The following PCDH7 variants were observed in gnomAD, a reference collection of about 807,000 sequenced individuals.
PCDH7 encodes protocadherin 7.
A neutral mutation model predicts 58.9 loss-of-function variants in PCDH7; 17 were observed. The observed-to-expected ratio is 0.29, with a 90% CI of 0.20 to 0.43. The LOEUF (loss-of-function observed/expected upper bound fraction) is 0.43. Among genes scored for constraint, PCDH7 ranks in the 20% least tolerant of loss-of-function variants. PCDH7 has a pLI of 1.00. For synonymous variants in PCDH7, 664 were observed against 616.4 expected, an observed-to-expected ratio of 1.08 and a Z score of -1.14; for missense variants, 1,274 against 1,441.0, an observed-to-expected ratio of 0.88 and a Z score of 1.88.
At chr4:30,842,373 A>T (rs1393300404) in intron 1 of PCDH7, among the ~76,000 whole-genome samples, 1 of 152,168 alleles carries the variant, frequency 6.6e-6, no homozygotes, top group Non-Finnish European at 1.5e-5. Context: ...ATATCTTTTT[A>T]TGAATTTTAT....
intron 1 of PCDH7, among the ~76,000 whole-genome samples, chr4:30,880,729 A>G (rs568244375): frequency 6.6e-4 from 101 of 152,292 alleles, no homozygotes; most frequent in African/African-American, 2.4e-3. Context: ...GCAAGCAAAT[A>G]GTTTCCTTTT....
At chr4:30,912,720 T>C (rs1223137527) in intron 1 of PCDH7, among the ~76,000 whole-genome samples, 2 of 152,174 alleles carry the variant, frequency 1.3e-5, no homozygotes, top group Non-Finnish European at 2.9e-5. Context: ...TTCCAATAGA[T>C]GGCATCCTTA....
intron 1 of PCDH7, among the ~76,000 whole-genome samples, chr4:30,767,134 C>T (rs1720858668): frequency 6.6e-6 from 1 of 152,092 alleles, no homozygotes; most frequent in South Asian, 2.1e-4. Context: ...AACCTGTGGC[C>T]ACTGAAGTCT....
chr4:30,758,521 AG>A (rs1327712774), intron 1 of PCDH7, among the ~76,000 whole-genome samples: 2 of 152,224 alleles, frequency 1.3e-5, no homozygotes, highest in African/African-American at 4.8e-5. Context: ...AGAGCATCGA[AG>A]GCTCTTGATA....
At chr4:30,920,744 T>C (rs192686897) in intron 2 of PCDH7, among the ~76,000 whole-genome samples, 13 of 152,348 alleles carry the variant, frequency 8.5e-5, no homozygotes, top group Non-Finnish European at 2.9e-5. Flanking sequence ...CAATTGCAGC[T>C]GTCCAGTCTT....
intron 1 of PCDH7, among the ~76,000 whole-genome samples, chr4:30,909,541 A>C (rs4374588): frequency 0.78 from 118,302 of 152,082 alleles, 46,782 homozygotes; most frequent in African/African-American, 0.94. Flanking sequence ...CAGTAATAGA[A>C]AAACAGCCAA....
intron 3 of PCDH7, among the ~76,000 whole-genome samples, chr4:31,108,860 C>T (rs1441082480): frequency 6.6e-6 from 1 of 152,092 alleles, no homozygotes; most frequent in African/African-American, 2.4e-5. Flanking sequence ...CCTGAAGACT[C>T]ACTGGCTTAA....
chr4:30,863,372 G>T (rs1226721716), intron 1 of PCDH7, among the ~76,000 whole-genome samples: 3 of 152,014 alleles, frequency 2.0e-5, no homozygotes, highest in Admixed American at 2.0e-4. Context: ...GATGTTTTTG[G>T]TTGTCACATG....
chr4:31,012,829 G>A (rs1274950484), intron 3 of PCDH7, among the ~76,000 whole-genome samples: 4 of 150,090 alleles, frequency 2.7e-5, no homozygotes, highest in African/African-American at 4.8e-5. Context: ...CAAAGCGAGA[G>A]ATGGTCTCCA....
intron 3 of PCDH7, among the ~76,000 whole-genome samples, chr4:31,125,052 C>T (rs1035515723): frequency 3.3e-5 from 5 of 152,126 alleles, no homozygotes; most frequent in Admixed American, 6.5e-5. Context: ...CTAAAATAGA[C>T]CTATCCCGTG....
rs1713691894 is a variant in PCDH7 at position 30,722,101 on chromosome 4, G to A, written c.679G>A (p.Asp227Asn). The stretch of plus-strand genomic sequence containing the variant: ...CTCGGGAGGCTCCAAGCGGCGGCTG[G>A]ACGCATCAGAGGGCGGCGGCGGCAC... The change falls in exon 1 of 2, where the codon GAC becomes AAC. Residue 227 changes from aspartate (D) to asparagine (N), a missense_variant. Physicochemically the swap from Asp to Asn is conservative, Grantham distance 23. Around this residue, in one of 3 missense-constraint regions of PCDH7, gnomAD observed 331 missense variants for 303.2 expected, o/e 1.09. Transcript: ENST00000361762. This position sits in a 1 kb window ranked among gnomAD's most constrained non-coding sequence, Gnocchi z 7.6. 1 of 1,366,384 alleles carries A rather than the reference G, an allele frequency of 7.3e-7. No homozygotes were observed. The highest frequency in any genetic ancestry group is 3.1e-5 in the East Asian group (1 of 32,494). The allele number at this position is 1,366,384 out of a possible 1,614,324, so 84.6% of individuals were successfully genotyped here. A position where few individuals can be genotyped will look rare whatever the true frequency, so the allele number is the denominator to read the frequency against.
At chr4:30,829,441 C>T (rs7678559) in intron 1 of PCDH7, among the ~76,000 whole-genome samples, 49,313 of 151,618 alleles carry the variant, frequency 0.33, 8,390 homozygotes, top group East Asian at 0.49. Flanking sequence ...AGTTGAGGGG[C>T]AGTTTTAGAA....
intron 3 of PCDH7, among the ~76,000 whole-genome samples, chr4:31,044,606 A>G (rs1488540303): frequency 1.3e-5 from 2 of 152,006 alleles, no homozygotes; most frequent in African/African-American, 4.8e-5. Flanking sequence ...ATGATTTAAT[A>G]TATGTGGGAT....
At chr4:30,933,112 C>T (rs1449717865) in intron 2 of PCDH7, among the ~76,000 whole-genome samples, 3 of 151,818 alleles carry the variant, frequency 2.0e-5, no homozygotes, top group Non-Finnish European at 2.9e-5. Context: ...CTGCAACCTC[C>T]GCTTCCTGGG....
intron 3 of PCDH7, among the ~76,000 whole-genome samples, chr4:31,054,877 A>G (rs1304923647): frequency 2.0e-5 from 3 of 152,146 alleles, no homozygotes; most frequent in Non-Finnish European, 4.4e-5. Context: ...TCTTTTATTT[A>G]AGAACATTTC....
chr4:30,863,925 T>C (rs949589783), intron 1 of PCDH7, among the ~76,000 whole-genome samples: 1 of 152,168 alleles, frequency 6.6e-6, no homozygotes, highest in Non-Finnish European at 1.5e-5. Context: ...CTCAGACATA[T>C]GCTGGGTGGC....
At chr4:30,850,032 T>A (rs1022613129) in intron 1 of PCDH7, among the ~76,000 whole-genome samples, 2 of 152,176 alleles carry the variant, frequency 1.3e-5, no homozygotes, top group African/African-American at 4.8e-5. Context: ...GCTAACCTTT[T>A]CTTCTAGATC....
At chr4:30,756,017 TGCAG>T in intron 1 of PCDH7, among the ~76,000 whole-genome samples, 1 of 152,218 alleles carries the variant, frequency 6.6e-6, no homozygotes, top group African/African-American at 2.4e-5. Flanking sequence ...AGGTGGAGGT[TGCAG>T]TGAGCCGATA....
intron 3 of PCDH7, among the ~76,000 whole-genome samples, chr4:31,090,402 T>C (rs984508854): frequency 1.3e-5 from 2 of 151,976 alleles, no homozygotes; most frequent in Admixed American, 6.6e-5. Context: ...ACGGCATTTA[T>C]CCTTTGTGTT....
Sources: allele counts gnomAD v4.1 joint callset (sites outside exome capture counted in the v4.1 genomes callset), GRCh38; gene constraint gnomAD v4.1.1; regional missense constraint gnomAD v4.1.1; non-coding constraint Gnocchi (gnomAD v3.1); transcripts MANE v1.5; gene names NCBI Gene and HGNC (gene_info 2026-07-23, HGNC 2026-07-21).